The following CNKSR3 variants were observed in gnomAD, a reference collection of about 807,000 sequenced individuals.
CNKSR3 encodes the protein CNKSR family member 3.
CNKSR3 carries 36 observed loss-of-function variants against 67.7 expected under a neutral mutation model. The observed-to-expected ratio is 0.53, with a 90% CI of 0.41 to 0.70. CNKSR3 has a LOEUF of 0.70. CNKSR3 is among the 30% of genes least tolerant of loss of function. The pLI, the probability that CNKSR3 is intolerant of heterozygous loss-of-function variation, is 0.00. For missense variants in CNKSR3, 630 were observed against 695.2 expected, an observed-to-expected ratio of 0.91 and a Z score of 1.05; for synonymous variants, 281 against 271.4, an observed-to-expected ratio of 1.04 and a Z score of -0.35.
intron 9 of CNKSR3, among the ~76,000 whole-genome samples, chr6:154,418,337 C>T (rs890314722): frequency 6.6e-6 from 1 of 152,192 alleles, no homozygotes; most frequent in Non-Finnish European, 1.5e-5. Flanking sequence ...CTCAAAATTG[C>T]TTTCACAAGG....
chr6:154,485,080 GTGGATTTTT>G lies in CNKSR3; in HGVS notation c.52+24974_52+24982del, dbSNP rs1202978837. On this transcript the variant is annotated intron_variant, in intron 1 of 12. Transcript: ENST00000607772. ...TAACTTCTCTTTATGGGAATTTTTG[GTGGATTTTT>G]TCAACTTTTAAGTTCAAAGTACAAG... Among the ~76,000 whole-genome samples, 88 of 152,242 alleles carry G rather than the reference GTGGATTTTT, an allele frequency of 5.8e-4. 4 individuals carry two copies. In the South Asian group the frequency reaches 0.018, roughly 31 times the overall value.
In CNKSR3 at chr6:154,389,229, T is replaced by C. The variant is rs545653577; in HGVS notation, c.*17125A>G. The C allele has an allele frequency of 5.9e-5, 9 of 152,344 alleles. No individual in the cohort carries two copies. The highest frequency in any genetic ancestry group is 1.9e-4 in the African/African-American group (8 of 41,582). The allele number at this position is 152,344 out of a possible 1,614,324, so 9.4% of individuals were successfully genotyped here. On this transcript the variant is annotated 3_prime_UTR_variant, in exon 13 of 13. Coordinates refer to ENST00000607772, the MANE Select transcript of CNKSR3 (RefSeq NM_173515.4). ...AGGAGTTTTACAGCTTCAGATTTTA[T>C]GTTTAAATCTTTAATCCATTTTGAG...
chr6:154,451,383 T>A (rs556252290), intron 1 of CNKSR3, among the ~76,000 whole-genome samples: 1 of 152,376 alleles, frequency 6.6e-6, no homozygotes, highest in African/African-American at 2.4e-5. Context: ...TTAAAAGTTA[T>A]ATAAACTCAA....
intron 1 of CNKSR3, among the ~76,000 whole-genome samples, chr6:154,486,422 G>A (rs551671520): frequency 4.9e-4 from 73 of 150,272 alleles, no homozygotes; most frequent in African/African-American, 1.6e-3. Flanking sequence ...TCGGCCTCCT[G>A]GGTAGCTGGG....
At chr6:154,503,661 T>TA (rs2114662144) in intron 1 of CNKSR3, among the ~76,000 whole-genome samples, 1 of 151,180 alleles carries the variant, frequency 6.6e-6, no homozygotes, top group East Asian at 1.9e-4. Context: ...AAAAGGCTGT[T>TA]ATAAGAACTC....
chr6:154,450,297 G>A (rs1168906547), intron 1 of CNKSR3, 39 bp from the exon 2 acceptor site: 1 of 1,603,460 alleles, frequency 6.2e-7, no homozygotes, highest in African/African-American at 1.3e-5. Flanking sequence ...TTGCCATTTT[G>A]TTCCTTTACC....
chr6:154,410,688 T>C (rs563141990), intron 11 of CNKSR3, among the ~76,000 whole-genome samples: 5 of 152,222 alleles, frequency 3.3e-5, no homozygotes, highest in Non-Finnish European at 7.3e-5. Context: ...ACCCAGGCAC[T>C]GAAAGTTAAA....
At chr6:154,477,348 T>G (rs1241725303) in intron 1 of CNKSR3, among the ~76,000 whole-genome samples, 1 of 152,000 alleles carries the variant, frequency 6.6e-6, no homozygotes, top group Admixed American at 6.6e-5. Flanking sequence ...TTGAGCAGAG[T>G]GACCCAGGCT....
intron 1 of CNKSR3, among the ~76,000 whole-genome samples, chr6:154,505,287 T>C (rs1351532734): frequency 9.3e-6 from 1 of 108,036 alleles, no homozygotes; most frequent in Non-Finnish European, 2.1e-5. Flanking sequence ...AAGACTGCTA[T>C]GTGTCATAAA....
chr6:154,446,097 A>G (rs929730885), intron 2 of CNKSR3, among the ~76,000 whole-genome samples: 1 of 152,228 alleles, frequency 6.6e-6, no homozygotes, highest in Admixed American at 6.5e-5. Context: ...GATACAAATT[A>G]AGTAACACAA....
intron 1 of CNKSR3, among the ~76,000 whole-genome samples, chr6:154,474,662 G>A (rs1200544620): frequency 2.0e-5 from 3 of 152,156 alleles, no homozygotes; most frequent in African/African-American, 7.2e-5. Flanking sequence ...ATGTGGGGTG[G>A]TGTGCCCCTG....
chr6:154,510,345 C>T lies in CNKSR3; in HGVS notation c.-231G>A. 1 of 535,414 alleles carries T rather than the reference C, an allele frequency of 1.9e-6. No individual in the cohort carries two copies. The highest frequency in any genetic ancestry group is 3.5e-5 in the East Asian group (1 of 28,364). 33.2% of individuals were successfully genotyped at this position (535,414 alleles called of 1,614,324 possible). On this transcript the variant is annotated 5_prime_UTR_variant, in exon 1 of 13. Coordinates refer to ENST00000607772, the MANE Select transcript of CNKSR3 (RefSeq NM_173515.4). ...GTCCAGCTGCAGCTCCTCCTTCCCC[C>T]GCCGCCGCCGGGATCCCGGGCACAG... is the stretch of plus-strand genomic sequence containing the variant.
intron 1 of CNKSR3, among the ~76,000 whole-genome samples, chr6:154,467,414 A>C (rs1462419982): frequency 2.0e-5 from 3 of 152,164 alleles, no homozygotes; most frequent in African/African-American, 7.2e-5. Context: ...TCCCTCATGG[A>C]GGGCTTACAG....
rs953963321 is a variant in CNKSR3 at position 154,403,065 on chromosome 6, T to A, written c.*3289A>T. On this transcript the variant is annotated 3_prime_UTR_variant, in exon 13 of 13. Coordinates refer to ENST00000607772, the MANE Select transcript of CNKSR3 (RefSeq NM_173515.4). ...GTAAATGGAGTGATGTTTTTATGAG[T>A]GAAGGTAAGCTTCATCATCCATGAT... is the stretch of plus-strand genomic sequence containing the variant. 3 of 152,180 alleles carry A rather than the reference T, an allele frequency of 2.0e-5. No individual in the cohort carries two copies. Among genetic ancestry groups the A allele is most frequent in the African/African-American group, 7.2e-5 (3 of 41,440 alleles). 9.4% of individuals were successfully genotyped at this position (152,180 alleles called of 1,614,324 possible). A position where few individuals can be genotyped will look rare whatever the true frequency, so the allele number is the denominator to read the frequency against.
intron 1 of CNKSR3, among the ~76,000 whole-genome samples, chr6:154,461,069 C>T (rs1302191879): frequency 1.3e-5 from 2 of 152,118 alleles, no homozygotes; most frequent in African/African-American, 4.8e-5. Flanking sequence ...AAATTAAAAC[C>T]CCGCATGAAT....
chr6:154,449,805 G>A (rs151015713), intron 2 of CNKSR3, among the ~76,000 whole-genome samples: 287 of 152,300 alleles, frequency 1.9e-3, no homozygotes, highest in Middle Eastern at 6.8e-3. Flanking sequence ...TGTCACTGTC[G>A]CAAGAAAGCA....
chr6:154,460,964 T>C (rs986859830), intron 1 of CNKSR3, among the ~76,000 whole-genome samples: 3 of 152,086 alleles, frequency 2.0e-5, no homozygotes, highest in African/African-American at 4.8e-5. Context: ...ACCTGAGCCA[T>C]CAGGATTTCC....
intron 12 of CNKSR3, among the ~76,000 whole-genome samples, chr6:154,406,877 C>T (rs1178168289): frequency 6.6e-6 from 1 of 151,610 alleles, no homozygotes; most frequent in African/African-American, 2.4e-5. Flanking sequence ...CGTTTGAACC[C>T]GAGAGGCGGA....
intron 1 of CNKSR3, among the ~76,000 whole-genome samples, chr6:154,482,732 T>G (rs754361498): frequency 6.6e-6 from 1 of 152,226 alleles, no homozygotes; most frequent in Non-Finnish European, 1.5e-5. Context: ...GGGACTATCT[T>G]TTCCAACCTA....
Sources: allele counts gnomAD v4.1 joint callset (sites outside exome capture counted in the v4.1 genomes callset), GRCh38; gene constraint gnomAD v4.1.1; transcripts MANE v1.5; gene names NCBI Gene and HGNC (gene_info 2026-07-23, HGNC 2026-07-21).